PTPRE: variants seen among roughly 807,000 people sequenced by gnomAD.
PTPRE encodes protein tyrosine phosphatase receptor type E, also known as receptor-type tyrosine-protein phosphatase epsilon.
Under a neutral mutation model 102.0 loss-of-function variants are expected in PTPRE, and 51 were observed. That is an observed-to-expected ratio of 0.50 (90% CI 0.40 to 0.63). The LOEUF (loss-of-function observed/expected upper bound fraction) is 0.63. Among genes scored for constraint, PTPRE ranks in the 30% least tolerant of loss-of-function variants. PTPRE has a pLI of 0.00. For missense variants in PTPRE, 752 were observed against 915.1 expected (o/e 0.82, Z 2.30); for synonymous variants, 345 against 348.2 (o/e 0.99, Z 0.10).
At chr10:127,983,945 C>A (rs1025632585) in intron 2 of PTPRE, among the ~76,000 whole-genome samples, 1 of 152,176 alleles carries the variant, frequency 6.6e-6, no homozygotes, top group African/African-American at 2.4e-5. Context: ...ACCCGAAGGT[C>A]ACTGAACGTG....
At chr10:127,965,300 C>A (rs1188137193) in intron 1 of PTPRE, among the ~76,000 whole-genome samples, 1 of 151,606 alleles carries the variant, frequency 6.6e-6, no homozygotes, top group Non-Finnish European at 1.5e-5. Flanking sequence ...CCCATGGTAA[C>A]CAATATAGCT....
intron 1 of PTPRE, among the ~76,000 whole-genome samples, chr10:127,972,593 G>A (rs946308295): frequency 6.6e-5 from 10 of 152,146 alleles, no homozygotes; most frequent in African/African-American, 7.2e-5. Flanking sequence ...TTCCAAGCTC[G>A]TCCACCCAAC....
At chr10:127,991,832 G>A (rs1356582012) in intron 2 of PTPRE, among the ~76,000 whole-genome samples, 6 of 152,132 alleles carry the variant, frequency 3.9e-5, no homozygotes, top group African/African-American at 1.2e-4. Context: ...GAATAGCACC[G>A]GAGGTACTTG....
At chr10:127,948,006 C>T (rs946374956) in intron 1 of PTPRE, among the ~76,000 whole-genome samples, 4 of 152,170 alleles carry the variant, frequency 2.6e-5, no homozygotes, top group African/African-American at 9.7e-5. Context: ...AAATGCGAGC[C>T]ACACCGTGAA....
intron 12 of PTPRE, chr10:128,069,482 A>AT: frequency 1.6e-6 from 1 of 610,156 alleles, no homozygotes; most frequent in South Asian, 2.0e-5. Context: ...GCCTCTTAGT[A>AT]GAGTGTCGGT....
At chr10:128,030,057 G>A (rs951608235) in intron 2 of PTPRE, among the ~76,000 whole-genome samples, 6 of 152,192 alleles carry the variant, frequency 3.9e-5, no homozygotes, top group South Asian at 4.1e-4. Context: ...TGCAGGCTCC[G>A]GAATTGCAGG....
At chr10:128,064,584 C>T in intron 10 of PTPRE, among the ~76,000 whole-genome samples, 1 of 152,210 alleles carries the variant, frequency 6.6e-6, no homozygotes, top group Admixed American at 6.5e-5. Flanking sequence ...GTTGGTGCTC[C>T]AAGCATGAGA....
chr10:127,913,366 G>A (rs1252668832), intron 1 of PTPRE, among the ~76,000 whole-genome samples: 1 of 152,218 alleles, frequency 6.6e-6, no homozygotes, highest in Non-Finnish European at 1.5e-5. Context: ...AATCTGTTTG[G>A]ACATTTCCAG....
chr10:128,075,537 G>T (rs1590240507), intron 17 of PTPRE, among the ~76,000 whole-genome samples: 1 of 150,922 alleles, frequency 6.6e-6, no homozygotes, highest in Admixed American at 6.6e-5. Context: ...GTCTTATGCT[G>T]CACTAGGACT....
chr10:127,960,923 A>G (rs1009802252), intron 1 of PTPRE, among the ~76,000 whole-genome samples: 10 of 151,536 alleles, frequency 6.6e-5, no homozygotes, highest in South Asian at 2.1e-4. Flanking sequence ...CAGGAGGCTG[A>G]GGCAGGAGAA....
At chr10:128,051,711 G>T (rs1848579271) in intron 6 of PTPRE, among the ~76,000 whole-genome samples, 1 of 152,206 alleles carries the variant, frequency 6.6e-6, no homozygotes, top group Non-Finnish European at 1.5e-5. Context: ...CTGCCACTGG[G>T]TGGCCCTTGG....
intron 1 of PTPRE, among the ~76,000 whole-genome samples, chr10:127,948,407 G>A (rs543255758): frequency 6.6e-6 from 1 of 152,140 alleles, no homozygotes. Context: ...CACTCTTGGT[G>A]TTGTACATTC....
chr10:127,951,676 A>G (rs1293611324), intron 1 of PTPRE, among the ~76,000 whole-genome samples: 1 of 152,238 alleles, frequency 6.6e-6, no homozygotes, highest in East Asian at 1.9e-4. Context: ...CTGTGGAGTG[A>G]AGGCAATTAT....
intron 10 of PTPRE, among the ~76,000 whole-genome samples, chr10:128,065,609 C>G (rs541255703): frequency 6.6e-6 from 1 of 152,294 alleles, no homozygotes; most frequent in South Asian, 2.1e-4. Context: ...GAATGGCAGA[C>G]TGGCAGTGGT....
chr10:128,050,280 G>A (rs1848454393), intron 6 of PTPRE, among the ~76,000 whole-genome samples: 1 of 150,798 alleles, frequency 6.6e-6, no homozygotes, highest in Non-Finnish European at 1.5e-5. Context: ...TGAGTGGGAG[G>A]GCAGATGGAT....
At position 128,082,971 on chromosome 10, in the gene PTPRE, T is replaced by G; in HGVS notation, c.*65T>G. 1 of 1,387,096 alleles carries G rather than the reference T, an allele frequency of 7.2e-7. No homozygotes were observed. The highest frequency in any genetic ancestry group is 9.5e-7 in the Non-Finnish European group (1 of 1,048,296). 85.9% of individuals were successfully genotyped at this position (1,387,096 alleles called of 1,614,324 possible). On this transcript the variant is annotated 3_prime_UTR_variant, in exon 21 of 21. Coordinates refer to ENST00000254667, the MANE Select transcript of PTPRE (RefSeq NM_006504.6). ...TATATTTTGTAAAAATCATGTTAAT[T>G]TATTTCATAGTTGACATTAATATCT...
intron 2 of PTPRE, among the ~76,000 whole-genome samples, chr10:128,009,007 G>A (rs567703738): frequency 1.4e-4 from 21 of 152,212 alleles, no homozygotes; most frequent in South Asian, 6.2e-4. Flanking sequence ...TCAGTCAGGG[G>A]TTGCTTGGAA....
chr10:128,074,808 CTT>C (rs1436454201), intron 17 of PTPRE, among the ~76,000 whole-genome samples: 1 of 152,090 alleles, frequency 6.6e-6, no homozygotes, highest in African/African-American at 2.4e-5. Context: ...ATGTCATAAA[CTT>C]ACTGTTTAAC....
At chr10:128,002,288 G>T (rs1230133142) in intron 2 of PTPRE, among the ~76,000 whole-genome samples, 14 of 152,202 alleles carry the variant, frequency 9.2e-5, no homozygotes, top group Admixed American at 9.2e-4. Flanking sequence ...CATCGAGGGG[G>T]AACAAGGCCA....
Sources: gnomAD v4.1 joint callset for allele counts (sites outside exome capture counted in the v4.1 genomes callset) on GRCh38, gnomAD v4.1.1 for gene constraint, MANE v1.5 for transcripts, NCBI Gene and HGNC (gene_info 2026-07-23, HGNC 2026-07-21) for gene names.